FBXL20: variants seen among roughly 807,000 people sequenced by gnomAD.
The protein encoded by FBXL20 is F-box and leucine rich repeat protein 20.
A neutral mutation model predicts 64.0 loss-of-function variants in FBXL20; 11 were observed. That is an observed-to-expected ratio of 0.17 (90% CI 0.11 to 0.28). The LOEUF (loss-of-function observed/expected upper bound fraction) is 0.28. FBXL20 is among the 10% of genes least tolerant of loss of function. The probability of loss-of-function intolerance (pLI) is 1.00; values close to 1 mark genes in which losing one functional copy is unlikely to be tolerated. For missense variants in FBXL20, 303 were observed against 526.2 expected (o/e 0.58, Z 4.15); for synonymous variants, 184 against 189.0 (o/e 0.97, Z 0.22).
intron 1 of FBXL20, among the ~76,000 whole-genome samples, chr17:39,378,198 TC>T (rs1450755545): frequency 6.6e-6 from 1 of 152,182 alleles, no homozygotes; most frequent in Non-Finnish European, 1.5e-5. Flanking sequence ...TGCAAAATGT[TC>T]TGTTTTCAAC....
chr17:39,291,370 AGAGAG>A (rs1409596873), intron 6 of FBXL20, among the ~76,000 whole-genome samples: 1 of 149,170 alleles, frequency 6.7e-6, no homozygotes, highest in East Asian at 1.9e-4. Flanking sequence ...GGGAGGGAGG[AGAGAG>A]GAGAGACTCT....
chr17:39,263,001 CA>C (rs11315365), intron 14 of FBXL20, among the ~76,000 whole-genome samples: 146,215 of 150,702 alleles, frequency 0.97, 70,953 homozygotes, highest in East Asian at 1. Context: ...GACTCTGTCT[CA>C]AAAAAAAAGA....
At chr17:39,343,407 C>T (rs549018442) in intron 1 of FBXL20, among the ~76,000 whole-genome samples, 166 bp from the exon 2 acceptor site, 44 of 152,240 alleles carry the variant, frequency 2.9e-4, no homozygotes, top group African/African-American at 9.9e-4. Context: ...AAAAGATCTT[C>T]GAGGCATTTA....
At chr17:39,376,102 G>A (rs2047964616) in intron 1 of FBXL20, among the ~76,000 whole-genome samples, 1 of 152,116 alleles carries the variant, frequency 6.6e-6, no homozygotes, top group South Asian at 2.1e-4. Flanking sequence ...CTGGGCGACA[G>A]TGTGAGACTC....
At chr17:39,381,456 G>A (rs2048022225) in intron 1 of FBXL20, among the ~76,000 whole-genome samples, 2 of 148,512 alleles carry the variant, frequency 1.3e-5, no homozygotes, top group East Asian at 2.0e-4. Context: ...CTCCAGCCTG[G>A]GTAATACAGT....
Position 39,339,286 on chromosome 17 carries a change from T to C in FBXL20, c.104+3894A>G, listed in dbSNP as rs567432235. Among the ~76,000 whole-genome samples, 182 of 150,916 alleles carry C rather than the reference T, an allele frequency of 1.2e-3. 1 individual carries two copies. The highest frequency in any genetic ancestry group is 4.3e-3 in the African/African-American group (175 of 40,992). On this transcript the variant is annotated intron_variant, in intron 2 of 14. Transcript: ENST00000264658. ...TAGTTTAAGAGTAGCCTGGGTAACA[T>C]AGCAATACCCCATCTCTATGAAAAT...
At chr17:39,336,968 T>TCCTCTC (rs932647765) in intron 2 of FBXL20, among the ~76,000 whole-genome samples, 5 of 151,468 alleles carry the variant, frequency 3.3e-5, no homozygotes, top group African/African-American at 9.7e-5. Flanking sequence ...CTCCTCTCCC[T>TCCTCTC]CCTCTCCCTC....
In FBXL20 at chr17:39,360,459, A is replaced by G. The variant is rs544455397; in HGVS notation, c.43-17218T>C. ...CACTGTTGTCAATTTTAAATTTTCA[A>G]TATTTGATGTGGTTCTGTGACAGAT... On this transcript the variant is annotated intron_variant, in intron 1 of 14. Transcript: ENST00000264658. Among the ~76,000 whole-genome samples the G allele has an allele frequency of 3.0e-4, 45 of 152,336 alleles. 1 individual carries two copies. In the South Asian group the frequency reaches 4.1e-3, roughly 14 times the overall value.
chr17:39,372,303 A>G (rs1043147466), intron 1 of FBXL20, among the ~76,000 whole-genome samples: 3 of 151,588 alleles, frequency 2.0e-5, no homozygotes, highest in African/African-American at 4.8e-5. Flanking sequence ...GGTGGATCAC[A>G]AGGTCAAGAG....
intron 2 of FBXL20, among the ~76,000 whole-genome samples, chr17:39,326,886 T>C (rs1233754594): frequency 6.6e-6 from 1 of 150,440 alleles, no homozygotes; most frequent in Non-Finnish European, 1.5e-5. Flanking sequence ...TCTTGGCTTT[T>C]TTTTTTTTTT....
At chr17:39,324,244 G>A in intron 2 of FBXL20, among the ~76,000 whole-genome samples, 1 of 149,654 alleles carries the variant, frequency 6.7e-6, no homozygotes, top group East Asian at 1.9e-4. Context: ...ATTCCTCTAG[G>A]TGAGAGACCC....
At position 39,261,270 on chromosome 17, in the gene FBXL20, CA is replaced by C. The variant is rs2046742686; in HGVS notation, c.*189del. ...ATCACAAACTTCAGTCCCATGGTCA[CA>C]AAGCTAGAGTGGATGGGGGTAAGGG... is the stretch of plus-strand genomic sequence containing the variant. On this transcript the variant is annotated 3_prime_UTR_variant, in exon 15 of 15. Transcript: ENST00000264658. 2 of 530,734 alleles carry C rather than the reference CA, an allele frequency of 3.8e-6. No individual in the cohort carries two copies. Among genetic ancestry groups the C allele is most frequent in the Non-Finnish European group, 6.8e-6 (2 of 294,194 alleles). The allele number at this position is 530,734 out of a possible 1,614,324, so 32.9% of individuals were successfully genotyped here. A position where few individuals can be genotyped will look rare whatever the true frequency, so the allele number is the denominator to read the frequency against.
intron 1 of FBXL20, among the ~76,000 whole-genome samples, chr17:39,362,145 T>C (rs538350404): frequency 6.6e-6 from 1 of 151,156 alleles, no homozygotes; most frequent in Non-Finnish European, 1.5e-5. Context: ...CACAAAAAAT[T>C]AGCCAGGAAT....
In FBXL20 at chr17:39,255,233, C is replaced by G. The variant is rs1028149050; in HGVS notation, c.*6227G>C. The G allele has an allele frequency of 1.3e-5, 2 of 151,426 alleles. No individual in the cohort carries two copies. The highest frequency in any genetic ancestry group is 4.9e-5 in the African/African-American group (2 of 41,124). 9.4% of individuals were successfully genotyped at this position (151,426 alleles called of 1,614,324 possible). A position where few individuals can be genotyped will look rare whatever the true frequency, so the allele number is the denominator to read the frequency against. Reference sequence around the variant, plus strand: ...CGGGTGGATCATGAGGTCAGGAGATCGAGACCATCCTGGCTAACAGGGTGA... The same window carrying G: ...CGGGTGGATCATGAGGTCAGGAGATGGAGACCATCCTGGCTAACAGGGTGA... On this transcript the variant is annotated 3_prime_UTR_variant, in exon 15 of 15. Transcript: ENST00000264658.
Position 39,297,516 on chromosome 17 carries a change from C to T in FBXL20, c.330-321G>A, listed in dbSNP as rs12450643. The stretch of plus-strand genomic sequence containing the variant: ...AATATTTGGTCTTCAATTATGTCTA[C>T]GATCAAGGAAACTCTGTAAAAACCC... On this transcript the variant is annotated intron_variant, in intron 5 of 14. Coordinates refer to ENST00000264658, the MANE Select transcript of FBXL20 (RefSeq NM_032875.3). The T allele has an allele frequency of 7.7e-5, 13 of 169,162 alleles. No homozygotes were observed. In the Admixed American group the frequency reaches 7.8e-4, roughly 10 times the overall value. 10.5% of individuals were successfully genotyped at this position (169,162 alleles called of 1,614,324 possible). A position where few individuals can be genotyped will look rare whatever the true frequency, so the allele number is the denominator to read the frequency against.
intron 12 of FBXL20, among the ~76,000 whole-genome samples, chr17:39,265,687 A>AT (rs989432294): frequency 8.2e-4 from 122 of 148,440 alleles, no homozygotes; most frequent in Middle Eastern, 3.5e-3. Flanking sequence ...AATTAAAAAA[A>AT]TTTTTTTTTT....
intron 12 of FBXL20, among the ~76,000 whole-genome samples, chr17:39,267,259 C>T (rs2046799889): frequency 6.6e-6 from 1 of 151,574 alleles, no homozygotes; most frequent in Admixed American, 6.6e-5. Context: ...CTCCCCACCC[C>T]ACACCACAAA....
intron 1 of FBXL20, among the ~76,000 whole-genome samples, chr17:39,383,000 C>CA (rs1003346474): frequency 0.01 from 1,370 of 136,900 alleles, 14 homozygotes; most frequent in African/African-American, 0.032. Flanking sequence ...ACTAAAAATA[C>CA]AAAAAAAAAA....
chr17:39,369,918 G>C (rs1453527100), intron 1 of FBXL20, among the ~76,000 whole-genome samples: 1 of 152,016 alleles, frequency 6.6e-6, no homozygotes, highest in Non-Finnish European at 1.5e-5. Context: ...ACAAACACGA[G>C]CCACTGCATC....
Sources: gnomAD v4.1 joint callset for allele counts (sites outside exome capture counted in the v4.1 genomes callset) on GRCh38, gnomAD v4.1.1 for gene constraint, MANE v1.5 for transcripts, NCBI Gene and HGNC (gene_info 2026-07-23, HGNC 2026-07-21) for gene names.